Variants in MON1B observed in about 807,000 individuals in gnomAD.
MON1B encodes MON1 vesicular trafficking associated B.
A neutral mutation model predicts 45.1 loss-of-function variants in MON1B; 26 were observed. The observed-to-expected ratio is 0.58, with a 90% confidence interval of 0.42 to 0.80. MON1B has a LOEUF of 0.80. Among genes scored for constraint, MON1B ranks in the 30% least tolerant of loss-of-function variants. The pLI is 0.00. For synonymous variants in MON1B, 395 were observed against 320.2 expected, an observed-to-expected ratio of 1.23 and a Z score of -2.49; for missense variants, 737 against 754.5, an observed-to-expected ratio of 0.98 and a Z score of 0.27.
chr16:77,199,663 A>C lies in MON1B; in HGVS notation c.*1355A>C. The C allele has an allele frequency of 1.5e-6, 1 of 649,646 alleles. No individual in the cohort carries two copies. Among genetic ancestry groups the C allele is most frequent in the Non-Finnish European group, 2.6e-6 (1 of 379,472 alleles). 40.2% of individuals were successfully genotyped at this position (649,646 alleles called of 1,614,324 possible). ...GTTATTGAAGAAAAACAATTTTTTA[A>C]CCGTTCAGCACAGTGGAGATAAATT... On this transcript the variant is annotated 3_prime_UTR_variant, in exon 6 of 6. Coordinates refer to ENST00000248248, the MANE Select transcript of MON1B (RefSeq NM_014940.4).
chr16:77,191,383 G>A (rs2054612995), intron 1 of MON1B, 93 bp from the exon 2 acceptor site: 1 of 1,584,358 alleles, frequency 6.3e-7, no homozygotes, highest in African/African-American at 1.3e-5. Context: ...GGGGAAATGA[G>A]CAGTAGGAGT....
In MON1B at chr16:77,201,110, C is replaced by T. The variant is rs1227984807; in HGVS notation, c.*2802C>T. The T allele has an allele frequency of 6.6e-6, 1 of 152,154 alleles. No homozygotes were observed. Among genetic ancestry groups the T allele is most frequent in the Non-Finnish European group, 1.5e-5 (1 of 68,028 alleles). The allele number at this position is 152,154 out of a possible 1,614,324, so 9.4% of individuals were successfully genotyped here. On this transcript the variant is annotated 3_prime_UTR_variant, in exon 6 of 6. Coordinates refer to ENST00000248248, the MANE Select transcript of MON1B (RefSeq NM_014940.4). ...ACAGAGACTGTTTACCTCTCGCTCCCCTGCACCTAAAACAATGCCTGCTTG... is the reference window on the plus strand; with the variant it reads ...ACAGAGACTGTTTACCTCTCGCTCCTCTGCACCTAAAACAATGCCTGCTTG...
chr16:77,191,412 C>G, intron 1 of MON1B, 64 bp from the exon 2 acceptor site: 4 of 1,579,682 alleles, frequency 2.5e-6, no homozygotes, highest in Non-Finnish European at 3.4e-6. Context: ...GGGGGCCTGA[C>G]TCTATAAAGG....
In MON1B at chr16:77,194,039, G is replaced by T. The variant is rs1053351866; in HGVS notation, c.475+262G>T. The T allele has an allele frequency of 8.3e-6, 5 of 600,056 alleles. No individual in the cohort carries two copies. The highest frequency in any genetic ancestry group is 4.0e-5 in the South Asian group (2 of 50,010). The allele number at this position is 600,056 out of a possible 1,614,324, so 37.2% of individuals were successfully genotyped here. A position where few individuals can be genotyped will look rare whatever the true frequency, so the allele number is the denominator to read the frequency against. On this transcript the variant is annotated intron_variant, in intron 3 of 5. Transcript: ENST00000248248. The surrounding 1 kb of genome is among the most constrained non-coding windows in gnomAD (Gnocchi z 8.1). ...ACCTGAGAGGATAACTGTGGGGGCT[G>T]TGTGGTTGAGCTGTGTCTTTCTGGC... is the stretch of plus-strand genomic sequence containing the variant.
Position 77,198,143 on chromosome 16 carries a change from C to T in MON1B, c.1479C>T (p.Ser493=). The change falls in exon 6 of 6, where the codon AGC becomes AGT. Residue 493 remains serine (S), a synonymous_variant. Transcript: ENST00000248248. The part of the protein sequence containing the change: ...TSKFELYTCL[S]PLVTKAGAIL... Reference sequence around the variant, plus strand: ...AATTCGAGCTCTATACCTGCCTCAGCCCTCTGGTGACCAAGGCAGGTGCAA... The same window carrying T: ...AATTCGAGCTCTATACCTGCCTCAGTCCTCTGGTGACCAAGGCAGGTGCAA... 1 of 1,614,156 alleles carries T rather than the reference C, an allele frequency of 6.2e-7. No homozygotes were observed. Among genetic ancestry groups the T allele is most frequent in the Non-Finnish European group, 8.5e-7 (1 of 1,180,022 alleles).
intron 5 of MON1B, 152 bp downstream of exon 5, chr16:77,195,834 A>T: frequency 1.1e-6 from 1 of 907,936 alleles, no homozygotes; most frequent in South Asian, 1.8e-5. Context: ...GCCTTTACAC[A>T]CACATCTTTG....
rs766657215 is a variant in MON1B at position 77,198,113 on chromosome 16, C to A, written c.1449C>A (p.Thr483=). ...GTCTCCTCCGAAACCCCCAGGTGAC[C>A]TCCAAATTCGAGCTCTATACCTGCC... is the stretch of plus-strand genomic sequence containing the variant. The part of the protein sequence containing the change: ...AEKETLLAWV[T]SKFELYTCLS... The change falls in exon 6 of 6, where the codon ACC becomes ACA. Residue 483 remains threonine, a synonymous_variant. Transcript: ENST00000248248. 6.8e-6 allele frequency: 11 copies of A among 1,614,066 alleles called. No individual in the cohort carries two copies.
At position 77,200,240 on chromosome 16, in the gene MON1B, A is replaced by T. The variant is rs1426753049; in HGVS notation, c.*1932A>T. 2 of 132,570 alleles carry T rather than the reference A, an allele frequency of 1.5e-5. No individual in the cohort carries two copies. The highest frequency in any genetic ancestry group is 4.8e-4 in the South Asian group (2 of 4,190). 8.2% of individuals were successfully genotyped at this position (132,570 alleles called of 1,614,324 possible). On this transcript the variant is annotated 3_prime_UTR_variant, in exon 6 of 6. Transcript: ENST00000248248. Reference sequence around the variant, plus strand: ...TATGTATGTATGTGTGTGTATATATATATATATGTATATGTGTATATATAT... The same window carrying T: ...TATGTATGTATGTGTGTGTATATATTTATATATGTATATGTGTATATATAT...
chr16:77,193,753 G>T lies in MON1B; in HGVS notation c.451G>T (p.Asp151Tyr), dbSNP rs1567418228. The change falls in exon 3 of 6, where the codon GAT (aspartate) becomes TAT (tyrosine). Residue 151 changes from aspartate to tyrosine, a missense_variant. Asp to Tyr is a radical substitution (Grantham distance 160, BLOSUM62 -3). Transcript: ENST00000248248. The surrounding 1 kb of genome is among the most constrained non-coding windows in gnomAD (Gnocchi z 5.0). ...ALVSFVQSAG[D>Y]AIRAIYAEDH... ...GGTGTCCTTTGTGCAGAGTGCGGGA[G>T]ATGCCATCCGTGCCATCTACGCTGG... is the stretch of plus-strand genomic sequence containing the variant. The T allele has an allele frequency of 1.2e-6, 2 of 1,613,018 alleles. No individual in the cohort carries two copies. Among genetic ancestry groups the T allele is most frequent in the Non-Finnish European group, 1.7e-6 (2 of 1,179,302 alleles).
At position 77,195,044 on chromosome 16, in the gene MON1B, C is replaced by T. The variant is rs1420338717; in HGVS notation, c.1185C>T (p.Ala395=). Residue 395 remains alanine (A), a synonymous_variant, in exon 4 of 6, where the codon GCC becomes GCT. Transcript: ENST00000248248. ...EAASFSNASS[A]SAPAYSVQAV... is the part of the protein sequence containing the mutation. The stretch of plus-strand genomic sequence containing the variant: ...CCAGCTTCTCTAATGCCTCATCAGC[C>T]AGTGCTCCTGCCTACAGCGTGCAGG... 3 of 1,611,292 alleles carry T rather than the reference C, an allele frequency of 1.9e-6. No individual in the cohort carries two copies. The highest frequency in any genetic ancestry group is 2.5e-6 in the Non-Finnish European group (3 of 1,179,936).
In MON1B at chr16:77,199,516, G is replaced by A. The variant is rs965171145; in HGVS notation, c.*1208G>A. On this transcript the variant is annotated 3_prime_UTR_variant, in exon 6 of 6. Coordinates refer to ENST00000248248, the MANE Select transcript of MON1B (RefSeq NM_014940.4). ...GAAGCTACTGAGGAGGCTGAAGGTA[G>A]TGAGGGCAAGTGGGCTGCACTCCTT... 8 of 1,550,612 alleles carry A rather than the reference G, an allele frequency of 5.2e-6. No homozygotes were observed. In the East Asian group the frequency reaches 1.2e-4, roughly 24 times the overall value.
At position 77,200,465 on chromosome 16, in the gene MON1B, T is replaced by C. The variant is rs1429419933; in HGVS notation, c.*2157T>C. 7.1e-6 allele frequency: 1 copy of C among 141,704 alleles called. No individual in the cohort carries two copies. Among genetic ancestry groups the C allele is most frequent in the Non-Finnish European group, 1.5e-5 (1 of 65,024 alleles). 8.8% of individuals were successfully genotyped at this position (141,704 alleles called of 1,614,324 possible). A position where few individuals can be genotyped will look rare whatever the true frequency, so the allele number is the denominator to read the frequency against. On this transcript the variant is annotated 3_prime_UTR_variant, in exon 6 of 6. Coordinates refer to ENST00000248248, the MANE Select transcript of MON1B (RefSeq NM_014940.4). ...AGACTCCGTCTCAAAAGAAAAAAAA[T>C]TCTCCCTTGGCCGGGCTTGGTGGCT...
At chr16:77,196,623 A>T (rs1248215231) in intron 5 of MON1B, among the ~76,000 whole-genome samples, 1 of 152,106 alleles carries the variant, frequency 6.6e-6, no homozygotes, top group Non-Finnish European at 1.5e-5. Flanking sequence ...TAAAAATACA[A>T]AAATTAGCTG....
At position 77,198,646 on chromosome 16, in the gene MON1B, A is replaced by C; in HGVS notation, c.*338A>C. 5.9e-6 allele frequency: 2 copies of C among 339,874 alleles called. No homozygotes were observed. Among genetic ancestry groups the C allele is most frequent in the Admixed American group, 4.4e-5 (1 of 22,808 alleles). The allele number at this position is 339,874 out of a possible 1,614,324, so 21.1% of individuals were successfully genotyped here. On this transcript the variant is annotated 3_prime_UTR_variant, in exon 6 of 6. Transcript: ENST00000248248. ...CTTCCGTGGTCTGCCTCCTAGTTGAATCTCAGCCCTGAGTGTCCAGATCTG... is the reference window on the plus strand; with the variant it reads ...CTTCCGTGGTCTGCCTCCTAGTTGACTCTCAGCCCTGAGTGTCCAGATCTG...
At position 77,200,291 on chromosome 16, in the gene MON1B, T is replaced by TATATATATATATATATATATATACATAC; in HGVS notation, c.*1984_*1985insTATATATATATATATATATATACATACA. The TATATATATATATATATATATATACATAC allele has an allele frequency of 9.0e-6, 1 of 111,430 alleles. No homozygotes were observed. Among genetic ancestry groups the TATATATATATATATATATATATACATAC allele is most frequent in the South Asian group, 2.7e-4 (1 of 3,708 alleles). The allele number at this position is 111,430 out of a possible 1,614,324, so 6.9% of individuals were successfully genotyped here. A position where few individuals can be genotyped will look rare whatever the true frequency, so the allele number is the denominator to read the frequency against. ...ATATATGTGTATATATATATATATA[T>TATATATATATATATATATATATACATAC]ACACACACTAATCAGCCGGGCGCGG... is the stretch of plus-strand genomic sequence containing the variant. On this transcript the variant is annotated 3_prime_UTR_variant, in exon 6 of 6. Transcript: ENST00000248248.
At chr16:77,196,970 G>A (rs938949251) in intron 5 of MON1B, among the ~76,000 whole-genome samples, 1 of 152,102 alleles carries the variant, frequency 6.6e-6, no homozygotes, top group African/African-American at 2.4e-5. Context: ...TCTCTGACAC[G>A]TCCCCTTCAC....
At position 77,194,760 on chromosome 16, in the gene MON1B, C is replaced by T. The variant is rs1473501383; in HGVS notation, c.901C>T (p.Pro301Ser). Residue 301 changes from proline to serine, a missense_variant, in exon 4 of 6, where the codon CCA (proline) becomes TCA (serine). Physicochemically the swap from Pro to Ser is moderately conservative, Grantham distance 74 (BLOSUM62 -1). Transcript: ENST00000248248. This position sits in a 1 kb window ranked among gnomAD's most constrained non-coding sequence, Gnocchi z 8.1. ...TGTGCTGGCCGAGTGCCGGCTGGAC[C>T]CAGCTGACCTGCAGTTGCTGCTCGA... ...RNVLAECRLD[P>S]ADLQLLLDWV... 9 of 1,613,796 alleles carry T rather than the reference C, an allele frequency of 5.6e-6. No individual in the cohort carries two copies. Among genetic ancestry groups the T allele is most frequent in the African/African-American group, 1.3e-5 (1 of 74,946 alleles).
In MON1B at chr16:77,198,462, A is replaced by G. The variant is rs1238895945; in HGVS notation, c.*154A>G. 7.3e-6 allele frequency: 6 copies of G among 817,896 alleles called. No homozygotes were observed. Among genetic ancestry groups the G allele is most frequent in the Non-Finnish European group, 1.1e-5 (6 of 523,998 alleles). 50.7% of individuals were successfully genotyped at this position (817,896 alleles called of 1,614,324 possible). A position where few individuals can be genotyped will look rare whatever the true frequency, so the allele number is the denominator to read the frequency against. On this transcript the variant is annotated 3_prime_UTR_variant, in exon 6 of 6. Transcript: ENST00000248248. Reference sequence around the variant, plus strand: ...GTCTGAGGGCCCACCGATGAGAGAGATGGTGGCAGCCGCCAGGCGAGCAGG... The same window carrying G: ...GTCTGAGGGCCCACCGATGAGAGAGGTGGTGGCAGCCGCCAGGCGAGCAGG...
chr16:77,191,880 G>A (rs977551842), intron 2 of MON1B, among the ~76,000 whole-genome samples: 1 of 152,184 alleles, frequency 6.6e-6, no homozygotes, highest in Non-Finnish European at 1.5e-5. Context: ...GAATCAAAAA[G>A]GGGGCTGTTA....
Sources: gnomAD v4.1 joint callset for allele counts (sites outside exome capture counted in the v4.1 genomes callset) on GRCh38, gnomAD v4.1.1 for gene constraint, Gnocchi (gnomAD v3.1) non-coding constraint, MANE v1.5 for transcripts, NCBI Gene and HGNC (gene_info 2026-07-23, HGNC 2026-07-21) for gene names.